The following DOK6 variants were observed in gnomAD, a reference collection of about 807,000 sequenced individuals.
DOK6 encodes docking protein 6.
DOK6 carries 22 observed loss-of-function variants against 44.0 expected under a neutral mutation model. That is an observed-to-expected ratio of 0.50 (90% CI 0.36 to 0.71). DOK6 has a LOEUF of 0.71. DOK6 is among the 30% of genes least tolerant of loss of function. The pLI is 0.00. For missense variants in DOK6, 340 were observed against 416.4 expected, an observed-to-expected ratio of 0.82 and a Z score of 1.60; for synonymous variants, 166 against 145.5, an observed-to-expected ratio of 1.14 and a Z score of -1.01.
chr18:69,670,298 C>A (rs1013031033), intron 3 of DOK6, among the ~76,000 whole-genome samples: 1 of 152,070 alleles, frequency 6.6e-6, no homozygotes, highest in African/African-American at 2.4e-5. Flanking sequence ...ATACCCATAT[C>A]GTTGGCTATG....
In DOK6 at chr18:69,788,349, T is replaced by A. The variant is rs553299663; in HGVS notation, c.856+30476T>A. Among the ~76,000 whole-genome samples, 13 of 152,312 alleles carry A rather than the reference T, an allele frequency of 8.5e-5. No individual in the cohort carries two copies. The East Asian group carries it at 2.5e-3, about 29-fold the overall frequency. On this transcript the variant is annotated intron_variant, in intron 7 of 7. Coordinates refer to ENST00000382713, the MANE Select transcript of DOK6 (RefSeq NM_152721.6). The stretch of plus-strand genomic sequence containing the variant: ...TCATCTTCTCACTCACTTAAACAAT[T>A]GTGTAGTTCACAAACACGGAGGGAT...
At chr18:69,478,698 T>C (rs137989453) in intron 1 of DOK6, among the ~76,000 whole-genome samples, 1 of 152,164 alleles carries the variant, frequency 6.6e-6, no homozygotes, top group East Asian at 1.9e-4. Flanking sequence ...ATACAGAGAG[T>C]TTACTATTTA....
intron 1 of DOK6, among the ~76,000 whole-genome samples, chr18:69,415,875 A>G (rs1335503160): frequency 1.3e-5 from 2 of 152,136 alleles, no homozygotes; most frequent in African/African-American, 4.8e-5. Context: ...TATGGCTTAC[A>G]GAATTTTAAG....
At chr18:69,794,125 C>G (rs1599328958) in intron 7 of DOK6, among the ~76,000 whole-genome samples, 1 of 152,102 alleles carries the variant, frequency 6.6e-6, no homozygotes, top group South Asian at 2.1e-4. Context: ...TGAAATAATC[C>G]TGTTATGTGT....
chr18:69,558,607 A>G (rs1407006721), intron 1 of DOK6, among the ~76,000 whole-genome samples: 1 of 152,156 alleles, frequency 6.6e-6, no homozygotes, highest in African/African-American at 2.4e-5. Flanking sequence ...TGTTTATTAG[A>G]CTTTTAAAAT....
intron 5 of DOK6, among the ~76,000 whole-genome samples, chr18:69,710,905 G>A (rs1267758574): frequency 6.6e-6 from 1 of 152,160 alleles, no homozygotes; most frequent in African/African-American, 2.4e-5. Flanking sequence ...CCCAAGCAAG[G>A]CTGTGTCTTA....
intron 3 of DOK6, among the ~76,000 whole-genome samples, chr18:69,601,589 A>C (rs953507929): frequency 2.0e-5 from 3 of 152,222 alleles, no homozygotes; most frequent in Admixed American, 6.5e-5. Flanking sequence ...CAGGGGCTGG[A>C]GTCAGAGCAC....
intron 1 of DOK6, among the ~76,000 whole-genome samples, chr18:69,452,376 C>T (rs1316072814): frequency 6.7e-6 from 1 of 149,372 alleles, no homozygotes; most frequent in Non-Finnish European, 1.5e-5. Context: ...GAAGTTGAAT[C>T]TCTGAATAGA....
intron 3 of DOK6, among the ~76,000 whole-genome samples, chr18:69,600,713 C>T (rs1392575030): frequency 6.6e-6 from 1 of 151,832 alleles, no homozygotes; most frequent in East Asian, 1.9e-4. Context: ...ATTTAAATTT[C>T]TAATTTTCCC....
chr18:69,833,390 C>T (rs1462564804), intron 7 of DOK6, among the ~76,000 whole-genome samples: 1 of 152,036 alleles, frequency 6.6e-6, no homozygotes, highest in East Asian at 1.9e-4. Flanking sequence ...CCATCTTTCA[C>T]CACATATAAA....
chr18:69,775,362 A>G (rs1980029760), intron 7 of DOK6, among the ~76,000 whole-genome samples: 1 of 152,008 alleles, frequency 6.6e-6, no homozygotes, highest in Non-Finnish European at 1.5e-5. Context: ...ATTAACTTTA[A>G]TAACAGTGAT....
chr18:69,799,581 G>T (rs2069781084), intron 7 of DOK6, among the ~76,000 whole-genome samples: 1 of 152,038 alleles, frequency 6.6e-6, no homozygotes, highest in Non-Finnish European at 1.5e-5. Flanking sequence ...AAGCATTCAA[G>T]ATCACAAAAT....
intron 1 of DOK6, among the ~76,000 whole-genome samples, chr18:69,543,830 A>G (rs759885060): frequency 6.6e-6 from 1 of 151,624 alleles, no homozygotes; most frequent in Non-Finnish European, 1.5e-5. Flanking sequence ...GATAAGGGAA[A>G]ACATTATAAA....
intron 3 of DOK6, chr18:69,662,751 A>T (rs768746042): frequency 7.9e-5 from 12 of 152,240 alleles, no homozygotes; most frequent in Non-Finnish European, 1.6e-4. Flanking sequence ...CCAATGAAAC[A>T]CTGTCCCATT....
intron 5 of DOK6, among the ~76,000 whole-genome samples, chr18:69,703,108 C>A (rs1298054506): frequency 1.3e-5 from 2 of 151,480 alleles, no homozygotes; most frequent in Admixed American, 1.3e-4. Flanking sequence ...AGATTAGATA[C>A]ACAGAAGGAA....
intron 1 of DOK6, among the ~76,000 whole-genome samples, chr18:69,485,064 G>A (rs1980535259): frequency 6.6e-6 from 1 of 152,142 alleles, no homozygotes; most frequent in African/African-American, 2.4e-5. Context: ...ATTGTAACGA[G>A]TAGGAGAATT....
intron 5 of DOK6, among the ~76,000 whole-genome samples, chr18:69,708,156 A>G (rs1207751124): frequency 1.3e-5 from 2 of 152,184 alleles, no homozygotes; most frequent in African/African-American, 4.8e-5. Context: ...GGCAGCAAGG[A>G]GTTGTTTTTT....
intron 1 of DOK6, among the ~76,000 whole-genome samples, chr18:69,422,863 T>A (rs1463808451): frequency 1.3e-5 from 2 of 152,244 alleles, no homozygotes; most frequent in African/African-American, 2.4e-5. Context: ...AATTCAGAAC[T>A]ATTTGCAACA....
At chr18:69,559,766 C>A (rs913795614) in intron 1 of DOK6, among the ~76,000 whole-genome samples, 2 of 152,112 alleles carry the variant, frequency 1.3e-5, no homozygotes, top group Non-Finnish European at 2.9e-5. Flanking sequence ...AGGGTGCCAG[C>A]CCCATTGGGT....
Sources: gnomAD v4.1 joint callset for allele counts (sites outside exome capture counted in the v4.1 genomes callset) on GRCh38, gnomAD v4.1.1 for gene constraint, MANE v1.5 for transcripts, NCBI Gene and HGNC (gene_info 2026-07-23, HGNC 2026-07-21) for gene names.